EP400: variants seen among roughly 807,000 people sequenced by gnomAD.
EP400 encodes the protein E1A-binding protein p400.
Under a neutral mutation model 354.1 loss-of-function variants are expected in EP400, and 105 were observed. The observed-to-expected ratio is 0.30, with a 90% CI of 0.25 to 0.35. EP400 has a LOEUF of 0.35. Ranked by LOEUF, EP400 falls within the 10% of genes least tolerant of loss-of-function variation. EP400 has a pLI of 1.00. For synonymous variants in EP400, 1,646 were observed against 1,716.9 expected, an observed-to-expected ratio of 0.96 and a Z score of 1.02; for missense variants, 3,280 against 4,121.0, an observed-to-expected ratio of 0.80 and a Z score of 5.59.
chr12:131,955,725 T>A (rs7954057), intron 1 of EP400, among the ~76,000 whole-genome samples: 151,046 of 152,146 alleles, frequency 0.99, 74,982 homozygotes, highest in Middle Eastern at 1. Flanking sequence ...GCTCATTGCA[T>A]CCTCCACCTC....
At chr12:132,002,458 A>G (rs1010239696) in intron 12 of EP400, among the ~76,000 whole-genome samples, 3 of 146,042 alleles carry the variant, frequency 2.1e-5, no homozygotes, top group African/African-American at 5.4e-5. Context: ...TTAGCGCTGT[A>G]TACTCTGTGG....
chr12:132,057,924 A>G (rs1895564955), intron 45 of EP400, among the ~76,000 whole-genome samples: 1 of 152,208 alleles, frequency 6.6e-6, no homozygotes. Flanking sequence ...TTAATGGACA[A>G]GACATTCTTC....
rs1322233909 is a variant in EP400 at position 132,054,034 on chromosome 12, G to A, written c.7728+437G>A. On this transcript the variant is annotated intron_variant, in intron 43 of 52. Transcript: ENST00000389561. This position sits in a 1 kb window ranked among gnomAD's most constrained non-coding sequence, Gnocchi z 4.0. ...CACAGGTCAGTCTTTAATGCCTGTT[G>A]TAGAAAAGCTGTAAAGCACACAAGA... Among the ~76,000 whole-genome samples, 5 of 152,222 alleles carry A rather than the reference G, an allele frequency of 3.3e-5. No homozygotes were observed. Among genetic ancestry groups the A allele is most frequent in the Non-Finnish European group, 7.3e-5 (5 of 68,040 alleles).
chr12:131,957,033 G>A (rs969663702), intron 1 of EP400, among the ~76,000 whole-genome samples: 8 of 151,446 alleles, frequency 5.3e-5, no homozygotes, highest in Admixed American at 2.0e-4. Flanking sequence ...CACCACGCCC[G>A]GCTAATTTTT....
At chr12:132,034,387 T>C (rs1006169222) in intron 30 of EP400, among the ~76,000 whole-genome samples, 10 of 152,230 alleles carry the variant, frequency 6.6e-5, no homozygotes, top group African/African-American at 2.4e-4. Flanking sequence ...TTCATGAACA[T>C]GTGAAGTTTC....
Position 132,064,727 on chromosome 12 carries a change from A to G in EP400, c.8394A>G (p.Pro2798=). 7 of 1,613,828 alleles carry G rather than the reference A, an allele frequency of 4.3e-6. No homozygotes were observed. The highest frequency in any genetic ancestry group is 5.9e-6 in the Non-Finnish European group (7 of 1,179,936). The change falls in exon 48 of 53, where the codon CCA becomes CCG. Residue 2798 remains proline (P), a synonymous_variant. Transcript: ENST00000389561. The part of the protein sequence containing the change: ...KLQMPPQPPP[P]QAQSAPPQPT... Reference sequence around the variant, plus strand: ...AGATGCCCCCGCAGCCCCCACCGCCACAGGCCCAGTCTGCGCCCCCGCAGC... The same window carrying G: ...AGATGCCCCCGCAGCCCCCACCGCCGCAGGCCCAGTCTGCGCCCCCGCAGC...
At position 132,076,519 on chromosome 12, in the gene EP400, G is replaced by T; in HGVS notation, c.9025G>T (p.Ala3009Ser). 1 of 1,614,112 alleles carries T rather than the reference G, an allele frequency of 6.2e-7. No homozygotes were observed. Residue 3009 changes from alanine (A) to serine (S), a missense_variant, in exon 52 of 53, where the codon GCA (alanine) becomes TCA (serine). Coordinates refer to ENST00000389561, the MANE Select transcript of EP400 (RefSeq NM_015409.5). ...GGCTTTTTTTGTTTTGTCAAAGGTT[G>T]CAAAACTTCCTCAAGTTGTTCAACA... Reference protein sequence around the residue: ...AQQVQTQIQVAKLPQVVQQQT... With the variant: ...AQQVQTQIQVSKLPQVVQQQT...
Position 132,006,068 on chromosome 12 carries a change from G to A in EP400, c.2936-44G>A, listed in dbSNP as rs748890279. On this transcript the variant is annotated intron_variant, in intron 13 of 52. Coordinates refer to ENST00000389561, the MANE Select transcript of EP400 (RefSeq NM_015409.5). ...TTAAAAAAAGGTTTAGATTTATAAAGCCTTCTCAGTGGCCCTCACTTCTCT... is the reference window on the plus strand; with the variant it reads ...TTAAAAAAAGGTTTAGATTTATAAAACCTTCTCAGTGGCCCTCACTTCTCT... 2.6e-6 allele frequency: 4 copies of A among 1,556,842 alleles called. No individual in the cohort carries two copies. In the African/African-American group the frequency reaches 4.1e-5, roughly 16 times the overall value.
rs772704757 is a variant in EP400 at position 132,032,016 on chromosome 12, C to T, written c.5818C>T (p.Arg1940Cys). The stretch of plus-strand genomic sequence containing the variant: ...TTGTGCCATTCTCTCCACTCACAGC[C>T]GTACCACAGGTATAAACCTTGTAGA... Reference protein sequence around the residue: ...IFCAILSTHSRTTGINLVEAD... With the variant: ...IFCAILSTHSCTTGINLVEAD... The change falls in exon 30 of 53, where the codon CGT (arginine) becomes TGT (cysteine). Residue 1940 changes from arginine to cysteine, a missense_variant. Arg to Cys is a radical substitution (Grantham distance 180). Around this residue, in one of 20 missense-constraint regions of EP400, gnomAD observed 459 missense variants for 496.9 expected, o/e 0.92. Transcript: ENST00000389561. 1.2e-5 allele frequency: 19 copies of T among 1,613,998 alleles called. No homozygotes were observed. Among genetic ancestry groups the T allele is most frequent in the Admixed American group, 1.0e-4 (6 of 60,004 alleles).
At chr12:132,059,978 A>G (rs1593381341) in intron 45 of EP400, among the ~76,000 whole-genome samples, 2 of 152,024 alleles carry the variant, frequency 1.3e-5, no homozygotes, top group African/African-American at 4.8e-5. Flanking sequence ...AGCCAAGATC[A>G]CACCATTGCT....
In EP400 at chr12:132,020,094, C is replaced by A; in HGVS notation, c.4323C>A (p.Thr1441=). The change falls in exon 22 of 53, where the codon ACC becomes ACA. Residue 1441 remains threonine, a synonymous_variant. Coordinates refer to ENST00000389561, the MANE Select transcript of EP400 (RefSeq NM_015409.5). The stretch of plus-strand genomic sequence containing the variant: ...ATGGCCAGAAGCCCGAGGGTCGCAC[C>A]GTGGCTTTCCCCAGCACTCACCCGC... ...VQYGQKPEGR[T]VAFPSTHPPR... The A allele has an allele frequency of 6.2e-7, 1 of 1,602,254 alleles. No homozygotes were observed. The highest frequency in any genetic ancestry group is 8.5e-7 in the Non-Finnish European group (1 of 1,174,222).
At chr12:131,983,542 G>A (rs1200457349) in intron 5 of EP400, among the ~76,000 whole-genome samples, 1 of 152,228 alleles carries the variant, frequency 6.6e-6, no homozygotes, top group Non-Finnish European at 1.5e-5. Context: ...GGAGGCCGGG[G>A]AGGACTCTCA....
chr12:131,956,305 C>T (rs1891696896), intron 1 of EP400, among the ~76,000 whole-genome samples: 1 of 152,120 alleles, frequency 6.6e-6, no homozygotes, highest in African/African-American at 2.4e-5. Flanking sequence ...TTTTAATATT[C>T]TGATACGTTT....
intron 45 of EP400, among the ~76,000 whole-genome samples, chr12:132,059,843 C>T (rs920528131): frequency 2.0e-5 from 3 of 151,082 alleles, no homozygotes; most frequent in Non-Finnish European, 4.4e-5. Context: ...GGTGAAACCC[C>T]GTGTCTACAG....
chr12:132,013,959 G>A lies in EP400; in HGVS notation c.3923+46G>A, dbSNP rs1295319302. 11 of 1,599,486 alleles carry A rather than the reference G, an allele frequency of 6.9e-6. No individual in the cohort carries two copies. Among genetic ancestry groups the A allele is most frequent in the East Asian group, 6.7e-5 (3 of 44,738 alleles). On this transcript the variant is annotated intron_variant, in intron 19 of 52. Transcript: ENST00000389561. This position sits in a 1 kb window ranked among gnomAD's most constrained non-coding sequence, Gnocchi z 4.5. ...TGTGCCCCCTTTGCTGTCCCTGCCT[G>A]TGAGGGAAAACGGCCCTTTCTGTGG...
intron 2 of EP400, among the ~76,000 whole-genome samples, chr12:131,973,048 T>C (rs1035633884): frequency 1.1e-4 from 16 of 152,218 alleles, no homozygotes; most frequent in Admixed American, 3.9e-4. Flanking sequence ...TTAAATGTTA[T>C]GTTGCATATA....
chr12:132,033,350 C>T (rs1268210571), intron 30 of EP400, among the ~76,000 whole-genome samples: 1 of 152,164 alleles, frequency 6.6e-6, no homozygotes, highest in Admixed American at 6.5e-5. Flanking sequence ...CTTACTGTTA[C>T]AGTGTAATAG....
intron 2 of EP400, among the ~76,000 whole-genome samples, chr12:131,971,556 A>C (rs576659199): frequency 6.6e-6 from 1 of 152,314 alleles, no homozygotes. Context: ...AGGAACCTTC[A>C]TACTGATTTC....
intron 2 of EP400, among the ~76,000 whole-genome samples, chr12:131,975,998 G>A (rs897342055): frequency 3.9e-5 from 6 of 152,086 alleles, no homozygotes; most frequent in African/African-American, 1.4e-4. Flanking sequence ...ACCATGCCCC[G>A]ACTGATTTTT....
Sources: allele counts gnomAD v4.1 joint callset (sites outside exome capture counted in the v4.1 genomes callset), GRCh38; gene constraint gnomAD v4.1.1; regional missense constraint gnomAD v4.1.1; non-coding constraint Gnocchi (gnomAD v3.1); transcripts MANE v1.5; gene names NCBI Gene and HGNC (gene_info 2026-07-23, HGNC 2026-07-21).